The following UBE2J2 variants were observed in gnomAD, a reference collection of about 807,000 sequenced individuals.
UBE2J2 encodes the protein ubiquitin conjugating enzyme E2 J2.
Under a neutral mutation model 28.6 loss-of-function variants are expected in UBE2J2, and 5 were observed. That is an observed-to-expected ratio of 0.17 (90% confidence interval 0.09 to 0.37). The LOEUF (loss-of-function observed/expected upper bound fraction) is 0.37, where lower values mean the gene tolerates loss of function less well. Among genes scored for constraint, UBE2J2 ranks in the 10% least tolerant of loss-of-function variants. UBE2J2 has a pLI of 1.00. For synonymous variants in UBE2J2, 138 were observed against 139.7 expected, an observed-to-expected ratio of 0.99 and a Z score of 0.09; for missense variants, 226 against 338.9, an observed-to-expected ratio of 0.67 and a Z score of 2.62.
chr1:1,262,136 C>T (rs1015361016), intron 3 of UBE2J2: 29 of 333,018 alleles, frequency 8.7e-5, no homozygotes, highest in Admixed American at 2.1e-4. Flanking sequence ...GAATTACAGG[C>T]GTGAGCCACC....
In UBE2J2 at chr1:1,255,485, C is replaced by A. The variant is rs1310559476; in HGVS notation, c.498G>T (p.Glu166Asp). 6.2e-7 allele frequency: 1 copy of A among 1,606,566 alleles called. No individual in the cohort carries two copies. The highest frequency in any genetic ancestry group is 1.3e-5 in the African/African-American group (1 of 74,736). ...FCELFPEVVE[E>D]IKQKQKAQDE... ...CTTGTGCTTTCTGTTTTTGTTTAAT[C>A]TCCTAAGAGAAAAACAGCGAGAAAA... Residue 166 changes from glutamate (E) to aspartate (D), a missense_variant and splice_region_variant, in exon 7 of 7, where the codon GAG becomes GAT. By Grantham distance (45) the Glu-to-Asp change is conservative. Coordinates refer to ENST00000349431, the MANE Select transcript of UBE2J2 (RefSeq NM_058167.3).
At chr1:1,263,586 T>C (rs1639681023) in intron 2 of UBE2J2, 200 bp from the exon 3 acceptor site, 1 of 562,824 alleles carries the variant, frequency 1.8e-6, no homozygotes, top group African/African-American at 1.9e-5. Flanking sequence ...TAGTCTCTTG[T>C]AACAGGATCT....
Position 1,255,201 on chromosome 1 carries a change from C to A in UBE2J2, c.*2G>T. 6.3e-7 allele frequency: 1 copy of A among 1,581,592 alleles called. No homozygotes were observed. The highest frequency in any genetic ancestry group is 8.6e-7 in the Non-Finnish European group (1 of 1,159,220). On this transcript the variant is annotated 3_prime_UTR_variant, in exon 7 of 7. Transcript: ENST00000349431. ...GGCGCCTTGGGTCTCGGCGCCTGGG[C>A]CTCACTCCTGCGCGATGCTCCTCAG...
At chr1:1,266,263 C>A in intron 2 of UBE2J2, 1 of 944,344 alleles carries the variant, frequency 1.1e-6, no homozygotes. Flanking sequence ...AAACACATTT[C>A]CTTTCAACTC....
chr1:1,256,500 CG>C (rs1167149311), intron 5 of UBE2J2, among the ~76,000 whole-genome samples: 1 of 152,162 alleles, frequency 6.6e-6, no homozygotes, highest in Non-Finnish European at 1.5e-5. Context: ...CGAGAGGCAG[CG>C]GGGAACACGA....
At chr1:1,264,997 A>G (rs909222287) in intron 2 of UBE2J2, among the ~76,000 whole-genome samples, 1 of 152,192 alleles carries the variant, frequency 6.6e-6, no homozygotes, top group Non-Finnish European at 1.5e-5. Context: ...AAAAAATGCC[A>G]TTATCATGTG....
At chr1:1,273,428 G>A (rs942417861) in intron 1 of UBE2J2, 3 of 152,124 alleles carry the variant, frequency 2.0e-5, no homozygotes, top group Non-Finnish European at 2.9e-5. Context: ...CAGCTGACGG[G>A]AAACCCGGCC....
At chr1:1,258,980 T>C (rs1639377993) in intron 3 of UBE2J2, among the ~76,000 whole-genome samples, 2 of 152,252 alleles carry the variant, frequency 1.3e-5, no homozygotes, top group South Asian at 2.1e-4. Context: ...CACACCTGCA[T>C]GCGTTGACGT....
intron 1 of UBE2J2, chr1:1,271,672 G>C (rs1385594275): frequency 6.6e-6 from 1 of 152,072 alleles, no homozygotes; most frequent in Non-Finnish European, 1.5e-5. Flanking sequence ...GAAGGACAAG[G>C]AAAACAAAAA....
rs565821062 is a variant in UBE2J2 at position 1,267,311 on chromosome 1, T to C, written c.131+551A>G. Reference sequence around the variant, plus strand: ...GGAGAGTCACCATGAGGTGAATGCTTATGAGGCACAGGTCCTCTCGTTGTC... The same window carrying C: ...GGAGAGTCACCATGAGGTGAATGCTCATGAGGCACAGGTCCTCTCGTTGTC... On this transcript the variant is annotated intron_variant, in intron 2 of 6. Transcript: ENST00000349431. Among the ~76,000 whole-genome samples, 3 of 152,302 alleles carry C rather than the reference T, an allele frequency of 2.0e-5. No homozygotes were observed. In the East Asian group the frequency reaches 5.8e-4, roughly 29 times the overall value.
intron 2 of UBE2J2, chr1:1,267,607 A>G (rs1482855160): frequency 2.2e-6 from 2 of 921,050 alleles, no homozygotes; most frequent in African/African-American, 1.7e-5. Context: ...GCCCCCCTCA[A>G]GGGCCCCACA....
In UBE2J2 at chr1:1,268,652, G is replaced by A. The variant is rs759909609; in HGVS notation, c.1-660C>T. Among the ~76,000 whole-genome samples the A allele has an allele frequency of 7.9e-5, 12 of 152,192 alleles. No individual in the cohort carries two copies. Among genetic ancestry groups the A allele is most frequent in the Non-Finnish European group, 1.8e-4 (12 of 68,034 alleles). ...GTGCAAGGGCCCAAGCACAGTGAGG[G>A]CAGGGATAAGACTGGCCAGGGAGGC... On this transcript the variant is annotated intron_variant, in intron 1 of 6. Coordinates refer to ENST00000349431, the MANE Select transcript of UBE2J2 (RefSeq NM_058167.3). The surrounding 1 kb of genome is among the most constrained non-coding windows in gnomAD (Gnocchi z 4.7).
At position 1,266,628 on chromosome 1, in the gene UBE2J2, T is replaced by C. The variant is rs547539158; in HGVS notation, c.131+1234A>G. ...CGAGGTCAGGAGATCAAGACCATCC[T>C]GGCTAACACGGTGAAACCCCGTCTC... is the stretch of plus-strand genomic sequence containing the variant. On this transcript the variant is annotated intron_variant, in intron 2 of 6. Transcript: ENST00000349431. Among the ~76,000 whole-genome samples the C allele has an allele frequency of 2.2e-4, 33 of 152,036 alleles. No individual in the cohort carries two copies. In the South Asian group the frequency reaches 5.2e-3, roughly 24 times the overall value.
At chr1:1,270,465 C>T (rs954676056) in intron 1 of UBE2J2, among the ~76,000 whole-genome samples, 1 of 152,178 alleles carries the variant, frequency 6.6e-6, no homozygotes. Flanking sequence ...GGGCACCCAA[C>T]GCGTGCTCCC....
rs76784742 is a variant in UBE2J2, at chr1:1,268,352, C to G, written c.1-360G>C. On this transcript the variant is annotated intron_variant, in intron 1 of 6. Transcript: ENST00000349431. This position sits in a 1 kb window ranked among gnomAD's most constrained non-coding sequence, Gnocchi z 4.7. ...TCAGACCAGCTCCTGAGGGCAGCTA[C>G]TCGCACCTTCCAACTCAGCTCAAGG... 6.6e-6 allele frequency among the ~76,000 whole-genome samples: 1 copy of G among 152,120 alleles called. No individual in the cohort carries two copies. Among genetic ancestry groups the G allele is most frequent in the African/African-American group, 2.4e-5 (1 of 41,390 alleles).
chr1:1,273,554 C>A (rs1053529326), intron 1 of UBE2J2, 112 bp downstream of exon 1: 6 of 151,906 alleles, frequency 3.9e-5, no homozygotes, highest in African/African-American at 1.2e-4. Context: ...CGGGCGCGAA[C>A]GGAGAAGCGT....
In UBE2J2 at chr1:1,257,391, CCA is replaced by C. The variant is rs1382880211; in HGVS notation, c.173-83_173-82del. 3,711 of 452,904 alleles carry C rather than the reference CCA, an allele frequency of 8.2e-3. 9 individuals are homozygous for C. The highest frequency in any genetic ancestry group is 0.03 in the South Asian group (828 of 27,946). 28.1% of individuals were successfully genotyped at this position (452,904 alleles called of 1,614,324 possible). On this transcript the variant is annotated intron_variant, in intron 3 of 6. Transcript: ENST00000349431. Reference sequence around the variant, plus strand: ...GAGACCTCGTCCCCATCCCCCCACGCCACCCCCCCCCCCCCCCTCAGCTCGGC... The same window carrying C: ...GAGACCTCGTCCCCATCCCCCCACGCCCCCCCCCCCCCCCCTCAGCTCGGC...
intron 2 of UBE2J2, among the ~76,000 whole-genome samples, chr1:1,265,305 C>T (rs577069374): frequency 2.6e-5 from 4 of 152,336 alleles, no homozygotes; most frequent in Admixed American, 2.0e-4. Context: ...AATGCCTCAA[C>T]AGTACAGGCA....
chr1:1,258,096 G>C (rs12066047), intron 3 of UBE2J2, among the ~76,000 whole-genome samples: 7,615 of 151,898 alleles, frequency 0.05, 253 homozygotes, highest in African/African-American at 0.1. Flanking sequence ...CTGGAGTGCA[G>C]TGGCTCGATC....
Sources: gnomAD v4.1 joint callset for allele counts (sites outside exome capture counted in the v4.1 genomes callset) on GRCh38, gnomAD v4.1.1 for gene constraint, Gnocchi (gnomAD v3.1) non-coding constraint, MANE v1.5 for transcripts, NCBI Gene and HGNC (gene_info 2026-07-23, HGNC 2026-07-21) for gene names.